MICU2: variants seen among roughly 807,000 people sequenced by gnomAD.
MICU2 encodes mitochondrial calcium uptake 2.
A neutral mutation model predicts 60.4 loss-of-function variants in MICU2; 64 were observed. The observed-to-expected ratio is 1.06, with a 90% CI of 0.87 to 1.31. The LOEUF is 1.31. Ranked by LOEUF, MICU2 falls within the 50% of genes most tolerant of loss-of-function variation. The pLI is 0.00. For synonymous variants in MICU2, 201 were observed against 175.0 expected, an observed-to-expected ratio of 1.15 and a Z score of -1.17; for missense variants, 569 against 531.0, an observed-to-expected ratio of 1.07 and a Z score of -0.70.
chr13:21,592,744 A>C (rs1425758972), intron 1 of MICU2, among the ~76,000 whole-genome samples: 1 of 152,224 alleles, frequency 6.6e-6, no homozygotes, highest in Non-Finnish European at 1.5e-5. Flanking sequence ...CCATCACATA[A>C]ACAGAGCCAA....
chr13:21,538,541 C>G (rs530124993), intron 4 of MICU2, among the ~76,000 whole-genome samples: 1 of 115,756 alleles, frequency 8.6e-6, no homozygotes, highest in African/African-American at 3.2e-5. Flanking sequence ...TCCAACCCAG[C>G]AACAGAGCAA....
At chr13:21,534,013 G>A (rs750104141) in intron 4 of MICU2, among the ~76,000 whole-genome samples, 13 of 151,602 alleles carry the variant, frequency 8.6e-5, no homozygotes, top group Non-Finnish European at 5.9e-5. Context: ...ACTTGAACCC[G>A]GGAGGTGGAG....
intron 2 of MICU2, among the ~76,000 whole-genome samples, chr13:21,552,669 C>A (rs1887601984): frequency 6.6e-6 from 1 of 152,134 alleles, no homozygotes; most frequent in Non-Finnish European, 1.5e-5. Flanking sequence ...TTTCCCAGCA[C>A]CATTTATTAA....
intron 1 of MICU2, chr13:21,602,812 T>C (rs1256688541): frequency 6.6e-6 from 1 of 152,164 alleles, no homozygotes; most frequent in Non-Finnish European, 1.5e-5. Flanking sequence ...AAAGGCATAA[T>C]GTAAATCTAA....
At chr13:21,534,334 T>C (rs1206920123) in intron 4 of MICU2, among the ~76,000 whole-genome samples, 2 of 151,850 alleles carry the variant, frequency 1.3e-5, no homozygotes, top group Non-Finnish European at 1.5e-5. Flanking sequence ...GCCTCCCAAA[T>C]AGAGGGTATT....
chr13:21,536,226 A>G (rs780175399), intron 4 of MICU2, among the ~76,000 whole-genome samples: 21 of 152,266 alleles, frequency 1.4e-4, no homozygotes, highest in Non-Finnish European at 2.6e-4. Context: ...ATAGATATTT[A>G]TCAATAAACA....
intron 4 of MICU2, chr13:21,531,181 AC>A: frequency 1.1e-6 from 1 of 943,242 alleles, no homozygotes; most frequent in Non-Finnish European, 1.8e-6. Context: ...AAAAAGGAAG[AC>A]ATTCTTAATA....
chr13:21,592,980 C>A (rs1438359043), intron 1 of MICU2, among the ~76,000 whole-genome samples: 1 of 152,216 alleles, frequency 6.6e-6, no homozygotes, highest in Non-Finnish European at 1.5e-5. Flanking sequence ...CCTCTCTCAC[C>A]ACTCGTATTC....
chr13:21,527,198 A>T (rs1886880758), intron 4 of MICU2, among the ~76,000 whole-genome samples: 1 of 152,188 alleles, frequency 6.6e-6, no homozygotes, highest in Non-Finnish European at 1.5e-5. Flanking sequence ...GTGTTTTGTC[A>T]TATCTTGTAC....
rs1886388051 is a variant in MICU2 at position 21,510,021 on chromosome 13, A to G, written c.744T>C (p.His248=). The change falls in exon 8 of 12, where the codon CAT becomes CAC. Residue 248 remains histidine (H), a synonymous_variant. Transcript: ENST00000382374. ...FFGKRGQRKL[H]YKEFRRFMEN... ...GCATTTACCTTCGAAATTCTTTATA[A>G]TGAAGTTTTCTTTGTCCTCTTTTTC... The G allele has an allele frequency of 1.3e-6, 2 of 1,536,976 alleles. No individual in the cohort carries two copies. Among genetic ancestry groups the G allele is most frequent in the Middle Eastern group, 1.7e-4 (1 of 5,828 alleles).
intron 4 of MICU2, chr13:21,531,438 C>G (rs1886997304): frequency 1.4e-6 from 1 of 690,496 alleles, no homozygotes; most frequent in African/African-American, 1.8e-5. Context: ...GTGCATCACA[C>G]AGGTATTGCT....
chr13:21,530,856 G>T, intron 4 of MICU2: 1 of 736,272 alleles, frequency 1.4e-6, no homozygotes, highest in East Asian at 2.7e-5. Flanking sequence ...TTCTGAGCCT[G>T]GACTCACCCT....
chr13:21,493,222 ATAAT>A lies in MICU2; in HGVS notation c.*23_*26del. The A allele has an allele frequency of 6.7e-7, 1 of 1,483,644 alleles. No individual in the cohort carries two copies. The highest frequency in any genetic ancestry group is 1.4e-5 in the African/African-American group (1 of 71,082). The allele number at this position is 1,483,644 out of a possible 1,614,324, so 91.9% of individuals were successfully genotyped here. The stretch of plus-strand genomic sequence containing the variant: ...CACAAATTTTGACATTTGGAACAAT[ATAAT>A]TGCCATACTATTATATCTTTTATTA... On this transcript the variant is annotated 3_prime_UTR_variant, in exon 12 of 12. Coordinates refer to ENST00000382374, the MANE Select transcript of MICU2 (RefSeq NM_152726.3).
chr13:21,578,889 G>A (rs1413734577), intron 1 of MICU2, among the ~76,000 whole-genome samples: 1 of 152,176 alleles, frequency 6.6e-6, no homozygotes, highest in Non-Finnish European at 1.5e-5. Flanking sequence ...AAAGGATACT[G>A]CCTTATTTTT....
chr13:21,570,233 G>A (rs1460066168), intron 1 of MICU2, among the ~76,000 whole-genome samples: 1 of 152,156 alleles, frequency 6.6e-6, no homozygotes, highest in Non-Finnish European at 1.5e-5. Context: ...AATTACCAGA[G>A]CCTTTCTAAT....
intron 1 of MICU2, among the ~76,000 whole-genome samples, chr13:21,572,218 G>C (rs1034832946): frequency 6.6e-6 from 1 of 152,218 alleles, no homozygotes; most frequent in African/African-American, 2.4e-5. Flanking sequence ...TGTGGCATAA[G>C]TTTTAATCAT....
intron 4 of MICU2, among the ~76,000 whole-genome samples, chr13:21,529,503 G>C (rs545587043): frequency 4.6e-5 from 7 of 152,344 alleles, no homozygotes; most frequent in African/African-American, 1.7e-4. Flanking sequence ...AACCAAGGAG[G>C]CTGAAGAAGA....
intron 1 of MICU2, among the ~76,000 whole-genome samples, chr13:21,591,574 ATTC>A (rs148633160): frequency 0.027 from 4,107 of 152,302 alleles, 180 homozygotes; most frequent in African/African-American, 0.092. Flanking sequence ...CAGAATATAC[ATTC>A]TTCTTAGAGC....
chr13:21,507,046 A>G (rs2138143206), intron 8 of MICU2, among the ~76,000 whole-genome samples: 1 of 152,326 alleles, frequency 6.6e-6, no homozygotes, highest in East Asian at 1.9e-4. Context: ...TTATCTTATG[A>G]TTGCCATAAA....
Sources: gnomAD v4.1 joint callset for allele counts (sites outside exome capture counted in the v4.1 genomes callset) on GRCh38, gnomAD v4.1.1 for gene constraint, MANE v1.5 for transcripts, NCBI Gene and HGNC (gene_info 2026-07-23, HGNC 2026-07-21) for gene names.